Variants in ZMAT4 observed in about 807,000 individuals in gnomAD.
ZMAT4 encodes the protein zinc finger matrin-type protein 4.
Under a neutral mutation model 28.7 loss-of-function variants are expected in ZMAT4, and 17 were observed. That is an observed-to-expected ratio of 0.59 (90% CI 0.41 to 0.89). ZMAT4 has a LOEUF of 0.89. Ranked by LOEUF, ZMAT4 falls within the 40% of genes least tolerant of loss-of-function variation. ZMAT4 has a pLI of 0.00. For synonymous variants in ZMAT4, 117 were observed against 109.2 expected, an observed-to-expected ratio of 1.07 and a Z score of -0.44; for missense variants, 240 against 283.8, an observed-to-expected ratio of 0.85 and a Z score of 1.11.
chr8:40,569,057 G>A (rs918534502), intron 6 of ZMAT4, among the ~76,000 whole-genome samples: 3 of 152,102 alleles, frequency 2.0e-5, no homozygotes, highest in Non-Finnish European at 2.9e-5. Flanking sequence ...AGTACTCAAC[G>A]GATTTTGATT....
intron 5 of ZMAT4, among the ~76,000 whole-genome samples, chr8:40,667,890 T>C (rs1300800376): frequency 2.0e-5 from 3 of 151,020 alleles, no homozygotes; most frequent in Admixed American, 1.3e-4. Flanking sequence ...TATGAAGTTG[T>C]TGCTATAGCT....
chr8:40,726,403 A>G (rs978761764), intron 3 of ZMAT4, among the ~76,000 whole-genome samples: 2 of 152,238 alleles, frequency 1.3e-5, no homozygotes, highest in African/African-American at 2.4e-5. Flanking sequence ...TAGAATGTCT[A>G]TGATGTAAAT....
intron 3 of ZMAT4, among the ~76,000 whole-genome samples, chr8:40,728,734 G>A (rs1811409540): frequency 6.6e-6 from 1 of 152,192 alleles, no homozygotes; most frequent in South Asian, 2.1e-4. Context: ...GATCTTAAGT[G>A]CTGAGTTCAA....
intron 3 of ZMAT4, among the ~76,000 whole-genome samples, chr8:40,700,474 G>C (rs1459237782): frequency 7.3e-6 from 1 of 137,828 alleles, no homozygotes; most frequent in Non-Finnish European, 1.5e-5. Context: ...CTGGAGTGCA[G>C]TGGTGCTATC....
chr8:40,750,310 T>C (rs1182503692), intron 3 of ZMAT4, among the ~76,000 whole-genome samples: 1 of 152,156 alleles, frequency 6.6e-6, no homozygotes, highest in Non-Finnish European at 1.5e-5. Context: ...AAGAATAATA[T>C]TTTAGGCATG....
intron 6 of ZMAT4, among the ~76,000 whole-genome samples, chr8:40,553,886 C>T (rs1010179007): frequency 6.6e-5 from 10 of 152,258 alleles, no homozygotes; most frequent in African/African-American, 2.2e-4. Flanking sequence ...ACACCAGGTA[C>T]TTTATATTTA....
intron 1 of ZMAT4, among the ~76,000 whole-genome samples, chr8:40,827,858 G>A (rs948222993): frequency 6.6e-6 from 1 of 152,160 alleles, no homozygotes; most frequent in Non-Finnish European, 1.5e-5. Flanking sequence ...TTCTTAGGTT[G>A]AATTAAAATC....
chr8:40,728,336 C>T (rs1304620350), intron 3 of ZMAT4, among the ~76,000 whole-genome samples: 1 of 152,142 alleles, frequency 6.6e-6, no homozygotes, highest in Admixed American at 6.6e-5. Flanking sequence ...CTAATACTTC[C>T]GTACCTTAAC....
intron 3 of ZMAT4, among the ~76,000 whole-genome samples, chr8:40,761,167 T>C (rs1812921562): frequency 6.6e-6 from 1 of 152,160 alleles, no homozygotes; most frequent in South Asian, 2.1e-4. Flanking sequence ...ATAATCTCTA[T>C]CTTGGCCAAA....
rs116738675 is a variant in ZMAT4 at position 40,861,246 on chromosome 8, A to C, written c.-4-35566T>G. The stretch of plus-strand genomic sequence containing the variant: ...GAATTAGATGAATCATGACTGAGAA[A>C]ACTCTCCTGAAAGAACAGCCTGTGC... On this transcript the variant is annotated intron_variant, in intron 1 of 6. Coordinates refer to ENST00000297737, the MANE Select transcript of ZMAT4 (RefSeq NM_024645.3). 2.0e-5 allele frequency among the ~76,000 whole-genome samples: 3 copies of C among 152,284 alleles called. No individual in the cohort carries two copies. The South Asian group carries it at 6.2e-4, about 32-fold the overall frequency.
chr8:40,653,103 T>C (rs140058443), intron 5 of ZMAT4, among the ~76,000 whole-genome samples: 8 of 151,702 alleles, frequency 5.3e-5, no homozygotes, highest in African/African-American at 1.4e-4. Context: ...AAAAAAGAAA[T>C]TTGAGAAATC....
intron 3 of ZMAT4, among the ~76,000 whole-genome samples, chr8:40,762,256 C>T (rs530886452): frequency 6.6e-6 from 1 of 152,294 alleles, no homozygotes; most frequent in South Asian, 2.1e-4. Context: ...GAAATGGGGT[C>T]TTGCACATGT....
chr8:40,761,402 A>G (rs962997825), intron 3 of ZMAT4, among the ~76,000 whole-genome samples: 2 of 152,092 alleles, frequency 1.3e-5, no homozygotes, highest in African/African-American at 4.8e-5. Flanking sequence ...TGTTCCCTCT[A>G]AGGCTTTGCA....
rs1278807298 is a variant in ZMAT4 at position 40,734,849 on chromosome 8, C to A, written c.192+32792G>T. Among the ~76,000 whole-genome samples, 4 of 152,174 alleles carry A rather than the reference C, an allele frequency of 2.6e-5. No homozygotes were observed. In the East Asian group the frequency reaches 7.7e-4, roughly 29 times the overall value. The stretch of plus-strand genomic sequence containing the variant: ...GGAATTGTCCAAAATTTAAAAAAAT[C>A]TCTAAAGACATTAATACAGAAATTA... On this transcript the variant is annotated intron_variant, in intron 3 of 6. Transcript: ENST00000297737.
chr8:40,552,349 G>A lies in ZMAT4; in HGVS notation c.675-20111C>T, dbSNP rs548862558. 1.6e-4 allele frequency among the ~76,000 whole-genome samples: 25 copies of A among 152,184 alleles called. No homozygotes were observed. In the East Asian group the frequency reaches 1.7e-3, roughly 11 times the overall value. On this transcript the variant is annotated intron_variant, in intron 6 of 6. Coordinates refer to ENST00000297737, the MANE Select transcript of ZMAT4 (RefSeq NM_024645.3). ...CACAGTTAGCCCTCCCTAAACACAC[G>A]CAGTCATAAAGCTATGCTCTGAGCA... is the stretch of plus-strand genomic sequence containing the variant.
At chr8:40,891,900 G>T (rs1818706149) in intron 1 of ZMAT4, among the ~76,000 whole-genome samples, 1 of 152,126 alleles carries the variant, frequency 6.6e-6, no homozygotes, top group Non-Finnish European at 1.5e-5. Flanking sequence ...TTTATTTTGT[G>T]GTGCTCAGTT....
intron 2 of ZMAT4, among the ~76,000 whole-genome samples, chr8:40,790,232 T>C (rs4383952): frequency 0.72 from 110,081 of 152,154 alleles, 40,040 homozygotes; most frequent in Middle Eastern, 0.79. Context: ...TTTTTATTCT[T>C]AAACAACATG....
At chr8:40,775,662 TC>T (rs1374624949) in intron 2 of ZMAT4, among the ~76,000 whole-genome samples, 1 of 152,096 alleles carries the variant, frequency 6.6e-6, no homozygotes, top group Non-Finnish European at 1.5e-5. Flanking sequence ...TGGTAAAGTG[TC>T]CTTAGACCTG....
intron 1 of ZMAT4, among the ~76,000 whole-genome samples, chr8:40,860,176 G>A (rs559511621): frequency 6.6e-6 from 1 of 152,054 alleles, no homozygotes; most frequent in Non-Finnish European, 1.5e-5. Context: ...GCCACAAAAG[G>A]CTGTTTTGTA....
Sources: gnomAD v4.1 joint callset for allele counts (sites outside exome capture counted in the v4.1 genomes callset) on GRCh38, gnomAD v4.1.1 for gene constraint, MANE v1.5 for transcripts, NCBI Gene and HGNC (gene_info 2026-07-23, HGNC 2026-07-21) for gene names.